NELL1: variants seen among roughly 807,000 people sequenced by gnomAD.
NELL1 encodes protein kinase C-binding protein NELL1.
In NELL1, 76 loss-of-function variants were observed where a neutral mutation model predicts 107.4. The ratio of observed to expected loss-of-function variants is 0.71; its 90% CI spans 0.59 to 0.86. The LOEUF (loss-of-function observed/expected upper bound fraction) is 0.86, where lower values mean the gene tolerates loss of function less well. NELL1 is among the 40% of genes least tolerant of loss of function. The pLI is 0.00. For synonymous variants in NELL1, 353 were observed against 341.2 expected (o/e 1.03, Z -0.38); for missense variants, 1,024 against 1,005.5 (o/e 1.02, Z -0.25).
chr11:21,353,501 T>C (rs1171056972), intron 14 of NELL1, among the ~76,000 whole-genome samples: 1 of 152,190 alleles, frequency 6.6e-6, no homozygotes, highest in Non-Finnish European at 1.5e-5. Context: ...AAATACATTT[T>C]GAGGGATTTG....
intron 13 of NELL1, among the ~76,000 whole-genome samples, chr11:21,208,261 T>C (rs564946771): frequency 3.9e-5 from 6 of 152,096 alleles, no homozygotes; most frequent in African/African-American, 1.4e-4. Flanking sequence ...TAATAAAAGA[T>C]ACGTATTATA....
intron 14 of NELL1, among the ~76,000 whole-genome samples, chr11:21,366,479 C>A (rs184282716): frequency 5.9e-5 from 9 of 152,184 alleles, no homozygotes. Context: ...TTTATTTAAA[C>A]AGTTATTTTT....
chr11:21,364,293 C>A (rs1410343672), intron 14 of NELL1, among the ~76,000 whole-genome samples: 1 of 151,334 alleles, frequency 6.6e-6, no homozygotes, highest in Non-Finnish European at 1.5e-5. Flanking sequence ...TGCCTATAAT[C>A]CTAGCTACTC....
At chr11:20,967,327 T>C (rs1851406656) in intron 12 of NELL1, among the ~76,000 whole-genome samples, 1 of 151,708 alleles carries the variant, frequency 6.6e-6, no homozygotes, top group South Asian at 2.1e-4. Flanking sequence ...TTCCAATACT[T>C]AGGTAACTTT....
chr11:20,783,909 T>G, intron 3 of NELL1, 79 bp downstream of exon 3: 1 of 1,368,178 alleles, frequency 7.3e-7, no homozygotes, highest in Non-Finnish European at 9.7e-7. Context: ...TTAGAGTTTG[T>G]AGCCCCATGA....
chr11:21,449,746 A>G (rs1400526518), intron 15 of NELL1, among the ~76,000 whole-genome samples: 2 of 152,234 alleles, frequency 1.3e-5, no homozygotes, highest in South Asian at 4.1e-4. Context: ...ATATAGATCA[A>G]AGATGTTTTA....
In NELL1 at chr11:21,120,555, G is replaced by A. The variant is rs189310201; in HGVS notation, c.1426+6841G>A. ...CTTGTCCTTGTTTACCGTAGGCTGTGTGGCAGCATTAAGGGACAAGTTACA... is the reference window on the plus strand; with the variant it reads ...CTTGTCCTTGTTTACCGTAGGCTGTATGGCAGCATTAAGGGACAAGTTACA... On this transcript the variant is annotated intron_variant, in intron 13 of 19. Transcript: ENST00000357134. 7.2e-5 allele frequency among the ~76,000 whole-genome samples: 11 copies of A among 152,214 alleles called. No individual in the cohort carries two copies. The East Asian group carries it at 2.1e-3, about 29-fold the overall frequency.
intron 13 of NELL1, among the ~76,000 whole-genome samples, chr11:21,142,320 A>G (rs185631742): frequency 6.6e-6 from 1 of 152,320 alleles, no homozygotes; most frequent in Admixed American, 6.5e-5. Flanking sequence ...TGGTCCATTC[A>G]ATACTGATTC....
In NELL1 at chr11:21,573,392, A is replaced by G; in HGVS notation, c.2365A>G (p.Thr789Ala). The part of the protein sequence containing the change: ...SVWTMAGSPC[T>A]TCKCKNGRVC... ...GTGGACGATGGCTGGATCTCCCTGC[A>G]CAACCTGTAAATGCAAGGTAATTGG... Residue 789 changes from threonine to alanine, a missense_variant, in exon 19 of 20, where the codon ACA becomes GCA. By Grantham distance (58) the Thr-to-Ala change is moderately conservative (BLOSUM62 0). Transcript: ENST00000357134. The G allele has an allele frequency of 1.2e-6, 2 of 1,611,824 alleles. No homozygotes were observed. Among genetic ancestry groups the G allele is most frequent in the Non-Finnish European group, 1.7e-6 (2 of 1,178,730 alleles).
At chr11:21,494,830 AC>A (rs1854934823) in intron 15 of NELL1, among the ~76,000 whole-genome samples, 1 of 152,042 alleles carries the variant, frequency 6.6e-6, no homozygotes, top group Non-Finnish European at 1.5e-5. Flanking sequence ...ATTGAAAAAA[AC>A]AAGTCAAAAA....
At chr11:21,044,050 C>G (rs1420935251) in intron 12 of NELL1, among the ~76,000 whole-genome samples, 2 of 151,980 alleles carry the variant, frequency 1.3e-5, no homozygotes, top group East Asian at 1.9e-4. Context: ...ACATTTGAAA[C>G]CATAAAAATG....
intron 5 of NELL1, among the ~76,000 whole-genome samples, chr11:20,902,619 G>A (rs1342285842): frequency 6.6e-6 from 1 of 151,856 alleles, no homozygotes; most frequent in Non-Finnish European, 1.5e-5. Context: ...TGGTATAAAC[G>A]TTGAAGAAAC....
chr11:21,500,263 G>A (rs1188834574), intron 15 of NELL1, among the ~76,000 whole-genome samples: 2 of 151,930 alleles, frequency 1.3e-5, no homozygotes, highest in Non-Finnish European at 2.9e-5. Context: ...ACACTTCATA[G>A]AATTAGGAAT....
chr11:21,458,501 T>C (rs1454697007), intron 15 of NELL1, among the ~76,000 whole-genome samples: 1 of 152,186 alleles, frequency 6.6e-6, no homozygotes, highest in Admixed American at 6.5e-5. Context: ...AAATAAATTA[T>C]GGTGTATTCA....
chr11:21,218,438 C>T (rs1857671535), intron 13 of NELL1, among the ~76,000 whole-genome samples: 1 of 152,040 alleles, frequency 6.6e-6, no homozygotes, highest in South Asian at 2.1e-4. Flanking sequence ...ATGATCAAAT[C>T]AGAGTAATTA....
chr11:20,845,344 G>T (rs1848685215), intron 3 of NELL1, among the ~76,000 whole-genome samples: 1 of 152,110 alleles, frequency 6.6e-6, no homozygotes, highest in Admixed American at 6.5e-5. Context: ...TTGAACACTT[G>T]CTCAATGAGG....
At chr11:21,390,510 AACACACACAC>A (rs60248049) in intron 15 of NELL1, among the ~76,000 whole-genome samples, 1 of 142,774 alleles carries the variant, frequency 7.0e-6, no homozygotes, top group Non-Finnish European at 1.5e-5. Flanking sequence ...TGTGTGGATG[AACACACACAC>A]ACACACACAC....
intron 4 of NELL1, among the ~76,000 whole-genome samples, chr11:20,862,919 G>C (rs566988711): frequency 1.3e-5 from 2 of 152,086 alleles, no homozygotes; most frequent in African/African-American, 2.4e-5. Flanking sequence ...ACAGGGTTGG[G>C]GGTAAGGTCA....
In NELL1 at chr11:21,332,622, G is replaced by A. The variant is rs1945439; in HGVS notation, c.1550-38231G>A. Among the ~76,000 whole-genome samples, 369 of 151,848 alleles carry A rather than the reference G, an allele frequency of 2.4e-3. 3 individuals are homozygous for A. The highest frequency in any genetic ancestry group is 8.4e-3 in the African/African-American group (349 of 41,438). ...CTTCATGGGAAGAAGTGGAAGTCCTGTCTTTGATTTTTGTGGCTTTGTGTT... is the reference window on the plus strand; with the variant it reads ...CTTCATGGGAAGAAGTGGAAGTCCTATCTTTGATTTTTGTGGCTTTGTGTT... On this transcript the variant is annotated intron_variant, in intron 14 of 19. Coordinates refer to ENST00000357134, the MANE Select transcript of NELL1 (RefSeq NM_006157.5).
Sources: allele counts gnomAD v4.1 joint callset (sites outside exome capture counted in the v4.1 genomes callset), GRCh38; gene constraint gnomAD v4.1.1; transcripts MANE v1.5; gene names NCBI Gene and HGNC (gene_info 2026-07-23, HGNC 2026-07-21).